TBC1D9B: variants seen among roughly 807,000 people sequenced by gnomAD.
TBC1D9B encodes TBC1 domain family member 9B, also known as TBC1 domain family, member 9B (with GRAM domain).
TBC1D9B carries 87 observed loss-of-function variants against 121.1 expected under a neutral mutation model. That is an observed-to-expected ratio of 0.72 (90% CI 0.60 to 0.86). TBC1D9B has a LOEUF of 0.86. TBC1D9B is among the 40% of genes least tolerant of loss of function. The probability of loss-of-function intolerance (pLI) is 0.00; values close to 1 mark genes in which losing one functional copy is unlikely to be tolerated. For synonymous variants in TBC1D9B, 668 were observed against 670.1 expected (o/e 1.00, Z 0.05); for missense variants, 1,540 against 1,628.6 (o/e 0.95, Z 0.94).
In TBC1D9B at chr5:179,891,415, C is replaced by T. The variant is rs1483546874; in HGVS notation, c.1008G>A (p.Glu336=). Residue 336 remains glutamate (E), a synonymous_variant, in exon 6 of 21, where the codon GAG becomes GAA. Transcript: ENST00000355235. This position sits in a 1 kb window ranked among gnomAD's most constrained non-coding sequence, Gnocchi z 4.3. The stretch of plus-strand genomic sequence containing the variant: ...GTATGATGAGGTGGCAAGCGTCCTC[C>T]TCCTTGCTGGCGAAGCAGATGTAGT... ...SNNYICFASK[E]EDACHLIIPL... is the part of the protein sequence containing the mutation. 6.2e-7 allele frequency: 1 copy of T among 1,614,148 alleles called. No individual in the cohort carries two copies. Among genetic ancestry groups the T allele is most frequent in the East Asian group, 2.2e-5 (1 of 44,896 alleles).
chr5:179,901,207 C>A (rs1761157500), intron 2 of TBC1D9B, among the ~76,000 whole-genome samples: 1 of 152,180 alleles, frequency 6.6e-6, no homozygotes, highest in South Asian at 2.1e-4. Flanking sequence ...CTCCTGGAAG[C>A]CCCTTAAGTC....
chr5:179,904,766 G>A lies in TBC1D9B; in HGVS notation c.165C>T (p.Arg55=), dbSNP rs760527556. The A allele has an allele frequency of 9.1e-5, 144 of 1,577,672 alleles. No individual in the cohort carries two copies. The East Asian group carries it at 3.1e-3, about 33-fold the overall frequency. The change falls in exon 2 of 21, where the codon CGC becomes CGT. Residue 55 remains arginine, a synonymous_variant. Transcript: ENST00000355235. The surrounding 1 kb of genome is among the most constrained non-coding windows in gnomAD (Gnocchi z 4.2). ...GGTGCAGGATGCGGTAAGGGGCCAC[G>A]CGGGCACTGGAGTCCAGCACCACGT... ...TLDVVLDSSA[R]VAPYRILHQT... is the part of the protein sequence containing the mutation.
intron 1 of TBC1D9B, among the ~76,000 whole-genome samples, chr5:179,906,820 G>A (rs269476): frequency 0.069 from 10,444 of 152,334 alleles, 1,167 homozygotes; most frequent in African/African-American, 0.23. Flanking sequence ...AAATGCTCTT[G>A]ATAAACTGGA....
chr5:179,888,071 C>G, intron 7 of TBC1D9B, 32 bp downstream of exon 7: 1 of 1,612,112 alleles, frequency 6.2e-7, no homozygotes, highest in Non-Finnish European at 8.5e-7. Context: ...CTGGGCCCAA[C>G]TCGACCCTGC....
chr5:179,902,226 C>G lies in TBC1D9B; in HGVS notation c.229+2476G>C, dbSNP rs552022863. ...GGAGTCTGGGCAGTTCTCAGAGGAG[C>G]GGGAGGGAAGGTTAGCTGGCATGGC... On this transcript the variant is annotated intron_variant, in intron 2 of 20. Coordinates refer to ENST00000355235, the MANE Select transcript of TBC1D9B (RefSeq NM_015043.4). This position sits in a 1 kb window ranked among gnomAD's most constrained non-coding sequence, Gnocchi z 4.9. 6.6e-6 allele frequency among the ~76,000 whole-genome samples: 1 copy of G among 152,164 alleles called. No homozygotes were observed. Among genetic ancestry groups the G allele is most frequent in the African/African-American group, 2.4e-5 (1 of 41,430 alleles).
chr5:179,889,401 G>C (rs934157040), intron 6 of TBC1D9B, among the ~76,000 whole-genome samples: 2 of 148,530 alleles, frequency 1.3e-5, no homozygotes, highest in African/African-American at 5.3e-5. Context: ...GAGAGGGGGA[G>C]AGGCGCACAG....
Position 179,906,004 on chromosome 5 carries a change from C to T in TBC1D9B, c.119-1192G>A, listed in dbSNP as rs181846817. ...AAGCGATTCTCGTGCCTCAGCCTCC[C>T]GAGTAGCTGGGATAACAGGCGCGTG... On this transcript the variant is annotated intron_variant, in intron 1 of 20. Coordinates refer to ENST00000355235, the MANE Select transcript of TBC1D9B (RefSeq NM_015043.4). Among the ~76,000 whole-genome samples the T allele has an allele frequency of 3.0e-3, 457 of 152,290 alleles. 1 individual carries two copies. The highest frequency in any genetic ancestry group is 0.011 in the African/African-American group (445 of 41,538).
At chr5:179,901,142 G>A (rs534035491) in intron 2 of TBC1D9B, among the ~76,000 whole-genome samples, 16 of 152,328 alleles carry the variant, frequency 1.1e-4, no homozygotes, top group Admixed American at 5.9e-4. Context: ...ACGGGAAAAC[G>A]ATTCCACCCA....
chr5:179,884,656 T>C (rs1760627548), intron 7 of TBC1D9B: 1 of 152,148 alleles, frequency 6.6e-6, no homozygotes, highest in South Asian at 2.1e-4. Context: ...GGCTTATCCA[T>C]ACAATGGCAT....
At chr5:179,876,172 A>G in intron 10 of TBC1D9B, 135 bp from the exon 11 acceptor site, 1 of 671,364 alleles carries the variant, frequency 1.5e-6, no homozygotes, top group Admixed American at 3.7e-5. Flanking sequence ...TATTTTTATT[A>G]TTTTTCAGGT....
chr5:179,888,110 C>T lies in TBC1D9B; in HGVS notation c.1247G>A (p.Ser416Asn), dbSNP rs1406037270. 3 of 1,613,540 alleles carry T rather than the reference C, an allele frequency of 1.9e-6. No homozygotes were observed. Among genetic ancestry groups the T allele is most frequent in the Non-Finnish European group, 2.5e-6 (3 of 1,179,970 alleles). Residue 416 changes from serine (S) to asparagine (N), a missense_variant, in exon 7 of 21, where the codon AGC becomes AAC. Ser to Asn is a conservative substitution (Grantham distance 46, BLOSUM62 1). Transcript: ENST00000355235. ...TCCCAAGGGGCTTCTCACCTCTGTG[C>T]TAGGGTCCACAACACTGGCTTTCCT... ...GSRKASVVDP[S>N]TESSPAPQEG...
Position 179,865,194 on chromosome 5 carries a change from G to C in TBC1D9B, c.3021+60C>G. 1 of 1,528,670 alleles carries C rather than the reference G, an allele frequency of 6.5e-7. No individual in the cohort carries two copies. Among genetic ancestry groups the C allele is most frequent in the South Asian group, 1.1e-5 (1 of 89,474 alleles). The allele number at this position is 1,528,670 out of a possible 1,614,324, so 94.7% of individuals were successfully genotyped here. ...CTGCAGTGCAGGTGCGGTGATGTTA[G>C]GGCCCAGTCTTGGTCAGAACTCTCC... On this transcript the variant is annotated intron_variant, in intron 20 of 20. Transcript: ENST00000355235. The surrounding 1 kb of genome is among the most constrained non-coding windows in gnomAD (Gnocchi z 5.1).
chr5:179,876,059 G>A (rs771889340), intron 10 of TBC1D9B, 22 bp from the exon 11 acceptor site: 17 of 1,605,346 alleles, frequency 1.1e-5, no homozygotes, highest in South Asian at 3.3e-5. Flanking sequence ...AGAGACAGCC[G>A]GGGAAGGCTT....
intron 17 of TBC1D9B, 51 bp downstream of exon 17, chr5:179,869,718 C>T: frequency 1.2e-6 from 2 of 1,601,074 alleles, no homozygotes; most frequent in Non-Finnish European, 1.7e-6. Flanking sequence ...TGCAGCTGAA[C>T]TTCTGGACAA....
chr5:179,865,518 C>T lies in TBC1D9B; in HGVS notation c.2915-158G>A, dbSNP rs1438849662. 16 of 691,052 alleles carry T rather than the reference C, an allele frequency of 2.3e-5. No homozygotes were observed. The Admixed American group carries it at 3.3e-4, about 14-fold the overall frequency. The allele number at this position is 691,052 out of a possible 1,614,324, so 42.8% of individuals were successfully genotyped here. A position where few individuals can be genotyped will look rare whatever the true frequency, so the allele number is the denominator to read the frequency against. ...GGAAGGTGGTCATGGGAAAAAAACCCAGAACAGCCACAGGTTTTCCCTAAA... is the reference window on the plus strand; with the variant it reads ...GGAAGGTGGTCATGGGAAAAAAACCTAGAACAGCCACAGGTTTTCCCTAAA... On this transcript the variant is annotated intron_variant, in intron 19 of 20. Transcript: ENST00000355235. The surrounding 1 kb of genome is among the most constrained non-coding windows in gnomAD (Gnocchi z 5.1).
At chr5:179,897,199 G>A (rs912899170) in intron 3 of TBC1D9B, among the ~76,000 whole-genome samples, 3 of 151,936 alleles carry the variant, frequency 2.0e-5, no homozygotes, top group South Asian at 2.1e-4. Context: ...AAGCCACTGC[G>A]CCTGGCCCAT....
chr5:179,878,632 G>T, intron 9 of TBC1D9B, 109 bp from the exon 10 acceptor site: 1 of 1,079,968 alleles, frequency 9.3e-7, no homozygotes, highest in Non-Finnish European at 1.3e-6. Context: ...GGTGGGACTT[G>T]GGGTCAAGCA....
chr5:179,863,001 A>C lies in TBC1D9B; in HGVS notation c.*447T>G. 3.9e-6 allele frequency: 1 copy of C among 259,656 alleles called. No homozygotes were observed. The highest frequency in any genetic ancestry group is 7.8e-6 in the Non-Finnish European group (1 of 128,282). 16.1% of individuals were successfully genotyped at this position (259,656 alleles called of 1,614,324 possible). A position where few individuals can be genotyped will look rare whatever the true frequency, so the allele number is the denominator to read the frequency against. On this transcript the variant is annotated 3_prime_UTR_variant, in exon 21 of 21. Coordinates refer to ENST00000355235, the MANE Select transcript of TBC1D9B (RefSeq NM_015043.4). This position sits in a 1 kb window ranked among gnomAD's most constrained non-coding sequence, Gnocchi z 4.5. Reference sequence around the variant, plus strand: ...GGGTTCCATCACTTTGGTGCCCAACAAGCACATGCCCCCCAACCTGGTGCC... The same window carrying C: ...GGGTTCCATCACTTTGGTGCCCAACCAGCACATGCCCCCCAACCTGGTGCC...
At chr5:179,876,300 T>C (rs892191893) in intron 10 of TBC1D9B, among the ~76,000 whole-genome samples, 3 of 152,138 alleles carry the variant, frequency 2.0e-5, no homozygotes, top group Non-Finnish European at 2.9e-5. Context: ...AAAAGGCAAT[T>C]TGTAGGAAAC....
Sources: allele counts gnomAD v4.1 joint callset (sites outside exome capture counted in the v4.1 genomes callset), GRCh38; gene constraint gnomAD v4.1.1; non-coding constraint Gnocchi (gnomAD v3.1); transcripts MANE v1.5; gene names NCBI Gene and HGNC (gene_info 2026-07-23, HGNC 2026-07-21).